The following MKLN1 variants were observed in gnomAD, a reference collection of about 807,000 sequenced individuals.
The protein encoded by MKLN1 is muskelin 1.
In MKLN1, 18 loss-of-function variants were observed where a neutral mutation model predicts 99.0. The ratio of observed to expected loss-of-function variants is 0.18; its 90% CI spans 0.13 to 0.27. The LOEUF (loss-of-function observed/expected upper bound fraction) is 0.27. Ranked by LOEUF, MKLN1 falls within the 10% of genes least tolerant of loss-of-function variation. MKLN1 has a pLI of 1.00. For synonymous variants in MKLN1, 288 were observed against 293.2 expected, an observed-to-expected ratio of 0.98 and a Z score of 0.18; for missense variants, 621 against 875.9, an observed-to-expected ratio of 0.71 and a Z score of 3.67.
At chr7:131,331,800 G>A (rs1799083784) in intron 1 of MKLN1, among the ~76,000 whole-genome samples, 1 of 152,160 alleles carries the variant, frequency 6.6e-6, no homozygotes, top group Non-Finnish European at 1.5e-5. Context: ...ATTTTATCTT[G>A]ATGTTTAAGA....
chr7:131,434,114 G>A (rs1795608894), intron 9 of MKLN1, among the ~76,000 whole-genome samples: 1 of 152,012 alleles, frequency 6.6e-6, no homozygotes, highest in African/African-American at 2.4e-5. Context: ...TCGAAATCCT[G>A]ACCTCAGGTG....
At chr7:131,376,095 A>AATATATATATATATATAT (rs60323728) in intron 2 of MKLN1, among the ~76,000 whole-genome samples, 39 of 108,050 alleles carry the variant, frequency 3.6e-4, no homozygotes, top group Non-Finnish European at 6.4e-4. Context: ...AATTCATGGA[A>AATATATATATATATATAT]ATATATATAT....
chr7:131,286,642 C>T (rs1309330331), intron 3 of MKLN1, among the ~76,000 whole-genome samples: 1 of 152,190 alleles, frequency 6.6e-6, no homozygotes, highest in East Asian at 1.9e-4. Flanking sequence ...AGAATGTCCA[C>T]TCTGTTTAAA....
chr7:131,262,298 G>A (rs796416954), intron 3 of MKLN1, among the ~76,000 whole-genome samples: 16 of 151,862 alleles, frequency 1.1e-4, no homozygotes, highest in African/African-American at 3.1e-4. Flanking sequence ...TTAGCTGGTC[G>A]TGGTGGCGTG....
At chr7:131,479,526 T>C (rs945908789) in intron 17 of MKLN1, among the ~76,000 whole-genome samples, 1 of 151,472 alleles carries the variant, frequency 6.6e-6, no homozygotes, top group Non-Finnish European at 1.5e-5. Flanking sequence ...AGAAAGACTG[T>C]CTTTAAAAAT....
At chr7:131,289,863 C>A (rs1391561122) in intron 3 of MKLN1, among the ~76,000 whole-genome samples, 1 of 152,220 alleles carries the variant, frequency 6.6e-6, no homozygotes, top group Non-Finnish European at 1.5e-5. Context: ...ACATTGGCCT[C>A]ATTGCTGCAC....
At chr7:131,219,419 A>C (rs554074948) in intron 3 of MKLN1, among the ~76,000 whole-genome samples, 5 of 152,166 alleles carry the variant, frequency 3.3e-5, no homozygotes, top group Non-Finnish European at 7.3e-5. Flanking sequence ...AAACAAAGGC[A>C]CTTCTCTCTC....
intron 1 of MKLN1, among the ~76,000 whole-genome samples, chr7:131,123,250 C>G (rs1795404220): frequency 6.6e-6 from 1 of 152,068 alleles, no homozygotes; most frequent in Non-Finnish European, 1.5e-5. Flanking sequence ...CAAAGATCAG[C>G]AAACTTTTTC....
At chr7:131,194,012 T>G (rs1023503201) in intron 2 of MKLN1, among the ~76,000 whole-genome samples, 2 of 150,746 alleles carry the variant, frequency 1.3e-5, no homozygotes, top group Non-Finnish European at 3.0e-5. Context: ...TGTTTTTTTT[T>G]TTTTTTTTCC....
intron 12 of MKLN1, among the ~76,000 whole-genome samples, chr7:131,461,114 T>C (rs1796501178): frequency 6.6e-6 from 1 of 152,078 alleles, no homozygotes; most frequent in Non-Finnish European, 1.5e-5. Flanking sequence ...GCACATTCCC[T>C]CCTATACTTT....
intron 1 of MKLN1, among the ~76,000 whole-genome samples, chr7:131,121,599 A>G (rs1795371175): frequency 7.4e-6 from 1 of 134,918 alleles, no homozygotes; most frequent in Non-Finnish European, 1.6e-5. Context: ...AGATCGCGCC[A>G]CTGCACTCCA....
chr7:131,478,789 C>A, intron 17 of MKLN1, 112 bp downstream of exon 17: 1 of 1,264,216 alleles, frequency 7.9e-7, no homozygotes, highest in Non-Finnish European at 1.1e-6. Context: ...AATAGATGAG[C>A]AAATGAAGTT....
chr7:131,145,251 A>T (rs1205943782), intron 2 of MKLN1, among the ~76,000 whole-genome samples: 1 of 152,200 alleles, frequency 6.6e-6, no homozygotes, highest in East Asian at 1.9e-4. Context: ...ATAGAGTTTA[A>T]TGTGTACCAA....
At chr7:131,151,041 T>C (rs1795881579) in intron 2 of MKLN1, among the ~76,000 whole-genome samples, 3 of 152,234 alleles carry the variant, frequency 2.0e-5, no homozygotes, top group Non-Finnish European at 4.4e-5. Context: ...AAACATGCAG[T>C]ATCTTGTATT....
At chr7:131,191,424 C>T (rs1453669983) in intron 2 of MKLN1, among the ~76,000 whole-genome samples, 1 of 152,166 alleles carries the variant, frequency 6.6e-6, no homozygotes, top group African/African-American at 2.4e-5. Context: ...GAGTGAAACA[C>T]CAATGAACCA....
At chr7:131,167,055 G>A (rs189645743) in intron 2 of MKLN1, among the ~76,000 whole-genome samples, 15 of 151,860 alleles carry the variant, frequency 9.9e-5, no homozygotes, top group Admixed American at 6.6e-5. Context: ...CACTTCCCCC[G>A]CCACATCCCC....
At chr7:131,204,895 C>G (rs973441388) in intron 3 of MKLN1, among the ~76,000 whole-genome samples, 1 of 149,768 alleles carries the variant, frequency 6.7e-6, no homozygotes, top group South Asian at 2.1e-4. Flanking sequence ...GATCACGCCA[C>G]TGCACTCTAG....
At chr7:131,119,965 G>T (rs910521417) in intron 1 of MKLN1, among the ~76,000 whole-genome samples, 1 of 152,114 alleles carries the variant, frequency 6.6e-6, no homozygotes, top group Non-Finnish European at 1.5e-5. Flanking sequence ...TTAAATATAA[G>T]TTCTAGTTTC....
intron 1 of MKLN1, among the ~76,000 whole-genome samples, chr7:131,117,440 A>ACAT (rs893238158): frequency 6.6e-6 from 1 of 151,294 alleles, no homozygotes; most frequent in Non-Finnish European, 1.5e-5. Flanking sequence ...AGGAAAAACA[A>ACAT]CAACAACAAC....
Sources: gnomAD v4.1 joint callset for allele counts (sites outside exome capture counted in the v4.1 genomes callset) on GRCh38, gnomAD v4.1.1 for gene constraint, MANE v1.5 for transcripts, NCBI Gene and HGNC (gene_info 2026-07-23, HGNC 2026-07-21) for gene names.